The following DYNC2H1 variants were observed in gnomAD, a reference collection of about 807,000 sequenced individuals.
The protein encoded by DYNC2H1 is cytoplasmic dynein 2 heavy chain 1.
DYNC2H1 carries 410 observed loss-of-function variants against 570.0 expected under a neutral mutation model. That is an observed-to-expected ratio of 0.72 (90% CI 0.66 to 0.78). The LOEUF is 0.78. Among genes scored for constraint, DYNC2H1 ranks in the 30% least tolerant of loss-of-function variants. The pLI is 0.00. For missense variants in DYNC2H1, 4,865 were observed against 5,046.4 expected, an observed-to-expected ratio of 0.96 and a Z score of 1.09; for synonymous variants, 1,688 against 1,677.6, an observed-to-expected ratio of 1.01 and a Z score of -0.15.
In DYNC2H1 at chr11:103,256,709, G is replaced by A. The variant is rs1442223460; in HGVS notation, c.10461+469G>A. On this transcript the variant is annotated intron_variant, in intron 68 of 88. Coordinates refer to ENST00000375735, the MANE Select transcript of DYNC2H1 (RefSeq NM_001377.3). The surrounding 1 kb of genome is among the most constrained non-coding windows in gnomAD (Gnocchi z 4.0). ...ATTATCCTAATGTGGACACCTGTTA[G>A]AGTCATCTTCTCTACCTCTAGTTCC... is the stretch of plus-strand genomic sequence containing the variant. 6.6e-6 allele frequency among the ~76,000 whole-genome samples: 1 copy of A among 152,122 alleles called. No homozygotes were observed. Among genetic ancestry groups the A allele is most frequent in the Admixed American group, 6.6e-5 (1 of 15,266 alleles).
Position 103,204,813 on chromosome 11 carries a change from A to G in DYNC2H1, c.8312-9A>G, listed in dbSNP as rs1862861967. 3.2e-6 allele frequency: 5 copies of G among 1,573,604 alleles called. No individual in the cohort carries two copies. The highest frequency in any genetic ancestry group is 3.5e-6 in the Non-Finnish European group (4 of 1,157,688). On this transcript the variant is annotated splice_polypyrimidine_tract_variant and intron_variant, in intron 51 of 88. Coordinates refer to ENST00000375735, the MANE Select transcript of DYNC2H1 (RefSeq NM_001377.3). This position sits in a 1 kb window ranked among gnomAD's most constrained non-coding sequence, Gnocchi z 4.1. ...CCTGATTGTATTATTATTCTTATAT[A>G]TTTCTTAGGAATTCAGCAAAACTTG...
chr11:103,195,913 A>G (rs1350090561), intron 47 of DYNC2H1, among the ~76,000 whole-genome samples: 3 of 152,350 alleles, frequency 2.0e-5, no homozygotes, highest in Non-Finnish European at 4.4e-5. Flanking sequence ...AACAATTGTA[A>G]GTGCTCAAAC....
Position 103,222,973 on chromosome 11 carries a change from G to A in DYNC2H1, c.9240G>A (p.Lys3080=), listed in dbSNP as rs1378918429. Residue 3080 remains lysine (K), a synonymous_variant, in exon 59 of 89, where the codon AAG becomes AAA. Transcript: ENST00000375735. ...NKGSFDPKNA[K]RASTAAAPLA... ...TCTCATGGATTTTTCAGAATGCTAA[G>A]CGTGCCAGTACTGCAGCTGCACCTT... is the stretch of plus-strand genomic sequence containing the variant. The A allele has an allele frequency of 3.7e-6, 6 of 1,613,034 alleles. No homozygotes were observed. Among genetic ancestry groups the A allele is most frequent in the Non-Finnish European group, 5.1e-6 (6 of 1,179,416 alleles).
intron 75 of DYNC2H1, among the ~76,000 whole-genome samples, chr11:103,302,666 A>C (rs1277866210): frequency 6.6e-6 from 1 of 152,100 alleles, no homozygotes; most frequent in Non-Finnish European, 1.5e-5. Context: ...TGCGTGACAC[A>C]GAGTAGGCAC....
chr11:103,449,377 GC>G (rs1944525010), intron 85 of DYNC2H1, among the ~76,000 whole-genome samples: 1 of 152,162 alleles, frequency 6.6e-6, no homozygotes, highest in Admixed American at 6.5e-5. Flanking sequence ...AGGAAGGAAG[GC>G]CAACAGTTAG....
At chr11:103,198,601 A>C (rs1475512089) in intron 48 of DYNC2H1, among the ~76,000 whole-genome samples, 1 of 152,194 alleles carries the variant, frequency 6.6e-6, no homozygotes, top group Non-Finnish European at 1.5e-5. Flanking sequence ...ATTAATATTT[A>C]TATTGAATGT....
chr11:103,180,796 A>C (rs1861819105), intron 39 of DYNC2H1, among the ~76,000 whole-genome samples: 1 of 151,330 alleles, frequency 6.6e-6, no homozygotes, highest in Non-Finnish European at 1.5e-5. Flanking sequence ...ATTCTGAAGG[A>C]GCTTAGCATC....
At chr11:103,274,083 T>C (rs938564632) in intron 70 of DYNC2H1, among the ~76,000 whole-genome samples, 1 of 151,968 alleles carries the variant, frequency 6.6e-6, no homozygotes, top group African/African-American at 2.4e-5. Flanking sequence ...AGTGAAGAAA[T>C]GGCTAAAATA....
chr11:103,149,934 T>G (rs1389446971), intron 20 of DYNC2H1, among the ~76,000 whole-genome samples: 1 of 152,124 alleles, frequency 6.6e-6, no homozygotes, highest in African/African-American at 2.4e-5. Flanking sequence ...ATCTGAAAGA[T>G]AAGAAAGAGC....
chr11:103,186,368 T>G lies in DYNC2H1; in HGVS notation c.6760T>G (p.Phe2254Val). Residue 2254 changes from phenylalanine (F) to valine (V), a missense_variant, in exon 42 of 89, where the codon TTC (phenylalanine) becomes GTC (valine). Physicochemically the swap from Phe to Val is conservative, Grantham distance 50. Transcript: ENST00000375735. This position sits in a 1 kb window ranked among gnomAD's most constrained non-coding sequence, Gnocchi z 4.5. ...GCCAGAAGACTTGACTGCTGATGAT[T>G]TCAGTAACGGCTTAACTCTTCCAGT... ...KKPEDLTADD[F>V]SNGLTLPVIQ... 1 of 1,612,878 alleles carries G rather than the reference T, an allele frequency of 6.2e-7. No homozygotes were observed. The highest frequency in any genetic ancestry group is 8.5e-7 in the Non-Finnish European group (1 of 1,179,214).
chr11:103,364,477 A>G (rs1410462748), intron 83 of DYNC2H1, among the ~76,000 whole-genome samples: 16 of 152,104 alleles, frequency 1.1e-4, no homozygotes, highest in Admixed American at 1.0e-3. Flanking sequence ...TTTGCATCTG[A>G]TAATCTTTCT....
Position 103,287,602 on chromosome 11 carries a change from C to T in DYNC2H1, c.11092C>T (p.Leu3698=), listed in dbSNP as rs1250664708. 6.2e-7 allele frequency: 1 copy of T among 1,610,928 alleles called. No individual in the cohort carries two copies. The highest frequency in any genetic ancestry group is 8.5e-7 in the Non-Finnish European group (1 of 1,178,538). ...SAMALFACKT[L]GLKEVSPLPL... The stretch of plus-strand genomic sequence containing the variant: ...CATGGCTCTTTTTGCATGTAAAACT[C>T]TGGGTAAGTGTGATGCTTTTCAAGA... Residue 3698 remains leucine (L), a synonymous_variant, in exon 75 of 89, where the codon CTG becomes TTG. Coordinates refer to ENST00000375735, the MANE Select transcript of DYNC2H1 (RefSeq NM_001377.3).
chr11:103,178,539 A>T (rs1195349361), intron 38 of DYNC2H1, among the ~76,000 whole-genome samples: 2 of 152,056 alleles, frequency 1.3e-5, no homozygotes, highest in African/African-American at 4.8e-5. Context: ...CCATTTTAGG[A>T]AAGATGGATA....
chr11:103,293,064 A>G (rs967071857), intron 75 of DYNC2H1, among the ~76,000 whole-genome samples: 1 of 152,156 alleles, frequency 6.6e-6, no homozygotes, highest in Non-Finnish European at 1.5e-5. Flanking sequence ...TTGCTTGAGA[A>G]TCCTTTTCTT....
At chr11:103,144,813 A>G (rs1156982719) in intron 18 of DYNC2H1, among the ~76,000 whole-genome samples, 1 of 152,124 alleles carries the variant, frequency 6.6e-6, no homozygotes, top group African/African-American at 2.4e-5. Context: ...ACGGTGGGAT[A>G]AAGAGATCCT....
chr11:103,311,057 A>G (rs1394324788), intron 78 of DYNC2H1, among the ~76,000 whole-genome samples: 2 of 152,074 alleles, frequency 1.3e-5, no homozygotes, highest in Admixed American at 6.6e-5. Flanking sequence ...AAGGATTTCA[A>G]AGGGGATGAC....
At chr11:103,282,263 A>T in intron 72 of DYNC2H1, 34 bp downstream of exon 72, 4 of 1,595,194 alleles carry the variant, frequency 2.5e-6, no homozygotes, top group Non-Finnish European at 3.4e-6. Flanking sequence ...TTTTGCTCTT[A>T]AAGAAAATAT....
chr11:103,295,457 C>T (rs1184715114), intron 75 of DYNC2H1, among the ~76,000 whole-genome samples: 2 of 152,166 alleles, frequency 1.3e-5, no homozygotes, highest in Non-Finnish European at 2.9e-5. Flanking sequence ...TGGAGACTCT[C>T]CCAGCACTCC....
intron 80 of DYNC2H1, among the ~76,000 whole-genome samples, chr11:103,318,747 A>G (rs1390443127): frequency 2.6e-5 from 4 of 152,286 alleles, no homozygotes; most frequent in Middle Eastern, 3.4e-3. Flanking sequence ...TTAAAATTCT[A>G]CATCAGAAAA....
Sources: gnomAD v4.1 joint callset for allele counts (sites outside exome capture counted in the v4.1 genomes callset) on GRCh38, gnomAD v4.1.1 for gene constraint, Gnocchi (gnomAD v3.1) non-coding constraint, MANE v1.5 for transcripts, NCBI Gene and HGNC (gene_info 2026-07-23, HGNC 2026-07-21) for gene names.